CC2D2A: variants seen among roughly 807,000 people sequenced by gnomAD.
CC2D2A encodes the protein coiled-coil and C2 domain-containing protein 2A.
In CC2D2A, 155 loss-of-function variants were observed where a neutral mutation model predicts 212.9. That is an observed-to-expected ratio of 0.73 (90% confidence interval 0.64 to 0.83). The LOEUF is 0.83. CC2D2A is among the 40% of genes least tolerant of loss of function. The pLI is 0.00. For synonymous variants in CC2D2A, 667 were observed against 686.5 expected (o/e 0.97, Z 0.44); for missense variants, 1,856 against 1,956.2 (o/e 0.95, Z 0.97).
intron 11 of CC2D2A, among the ~76,000 whole-genome samples, chr4:15,524,731 G>A (rs1387144004): frequency 3.3e-5 from 5 of 151,832 alleles, no homozygotes; most frequent in African/African-American, 4.8e-5. Context: ...GATTACAGGC[G>A]TGAGCCACCG....
chr4:15,510,312 C>T (rs1716497986), intron 7 of CC2D2A, 72 bp downstream of exon 7: 4 of 1,349,864 alleles, frequency 3.0e-6, no homozygotes, highest in Admixed American at 1.9e-5. Context: ...CACATGACTA[C>T]AGGCCGGGTG....
intron 2 of CC2D2A, among the ~76,000 whole-genome samples, chr4:15,476,511 C>T (rs557443377): frequency 1.3e-5 from 2 of 152,340 alleles, no homozygotes; most frequent in African/African-American, 4.8e-5. Flanking sequence ...ATATCAGAGA[C>T]GTGGTGGAGA....
At chr4:15,583,837 G>A (rs191476905) in intron 30 of CC2D2A, among the ~76,000 whole-genome samples, 2,775 of 152,086 alleles carry the variant, frequency 0.018, 65 homozygotes, top group African/African-American at 0.064. Flanking sequence ...TGTAGTCCCA[G>A]CTACTCGGGA....
At position 15,478,802 on chromosome 4, in the gene CC2D2A, A is replaced by C. The variant is rs780010340; in HGVS notation, c.119A>C (p.Lys40Thr). The change falls in exon 3 of 37, where the codon AAA becomes ACA. Residue 40 changes from lysine (K) to threonine (T), a missense_variant. Coordinates refer to ENST00000424120, the MANE Select transcript of CC2D2A (RefSeq NM_001378615.1). Reference sequence around the variant, plus strand: ...AAGGTTCGAAGACAGCCAAGAAAGAAACAGGTAAGAAGTGACAAGAAACTG... The same window carrying C: ...AAGGTTCGAAGACAGCCAAGAAAGACACAGGTAAGAAGTGACAAGAAACTG... ...NSKVRRQPRK[K>T]QPPTAVPKEM... The C allele has an allele frequency of 2.6e-6, 4 of 1,552,358 alleles. No homozygotes were observed. In the East Asian group the frequency reaches 9.8e-5, roughly 38 times the overall value.
chr4:15,581,021 T>G (rs975790507), intron 30 of CC2D2A, among the ~76,000 whole-genome samples: 2 of 152,212 alleles, frequency 1.3e-5, no homozygotes, highest in African/African-American at 4.8e-5. Context: ...CACAAACTTG[T>G]GTGAATCAGA....
At chr4:15,535,066 C>T (rs922703231) in intron 14 of CC2D2A, among the ~76,000 whole-genome samples, 4 of 151,978 alleles carry the variant, frequency 2.6e-5, no homozygotes, top group Non-Finnish European at 5.9e-5. Flanking sequence ...AGAGCAGGGA[C>T]CCTATTGCCA....
intron 36 of CC2D2A, 54 bp from the exon 37 acceptor site, chr4:15,601,183 A>C: frequency 7.1e-7 from 1 of 1,412,860 alleles, no homozygotes; most frequent in Non-Finnish European, 9.9e-7. Flanking sequence ...CGTAGGAAAA[A>C]ATGTATTAAA....
chr4:15,552,568 C>T (rs1203677492), intron 18 of CC2D2A, among the ~76,000 whole-genome samples: 1 of 152,160 alleles, frequency 6.6e-6, no homozygotes, highest in African/African-American at 2.4e-5. Flanking sequence ...TCTTAGTATA[C>T]TAACATACTT....
intron 6 of CC2D2A, among the ~76,000 whole-genome samples, chr4:15,506,178 C>A (rs753191982): frequency 6.6e-6 from 1 of 152,116 alleles, no homozygotes; most frequent in Non-Finnish European, 1.5e-5. Flanking sequence ...TATTATAGTT[C>A]TTTAAAATTT....
At chr4:15,508,888 A>G (rs1716408295) in intron 6 of CC2D2A, among the ~76,000 whole-genome samples, 1 of 152,162 alleles carries the variant, frequency 6.6e-6, no homozygotes, top group African/African-American at 2.4e-5. Context: ...ATGAACACCT[A>G]TATGTGCTAC....
At chr4:15,578,969 T>C (rs971028412) in intron 29 of CC2D2A, among the ~76,000 whole-genome samples, 2 of 152,234 alleles carry the variant, frequency 1.3e-5, no homozygotes, top group Middle Eastern at 3.4e-3. Flanking sequence ...AAATAAAATT[T>C]TCAATTTGTT....
At chr4:15,536,514 C>T (rs1718136792) in intron 14 of CC2D2A, among the ~76,000 whole-genome samples, 2 of 152,008 alleles carry the variant, frequency 1.3e-5, no homozygotes, top group African/African-American at 4.8e-5. Context: ...TCAGTAGCAA[C>T]AAAATGAAGC....
chr4:15,583,111 G>C (rs534897820), intron 30 of CC2D2A, among the ~76,000 whole-genome samples: 1 of 152,186 alleles, frequency 6.6e-6, no homozygotes, highest in African/African-American at 2.4e-5. Flanking sequence ...TCAACAGATG[G>C]TGAAAAAGAA....
intron 17 of CC2D2A, among the ~76,000 whole-genome samples, chr4:15,545,716 AAGATGG>A (rs1718675366): frequency 1.8e-5 from 1 of 54,870 alleles, no homozygotes; most frequent in Non-Finnish European, 4.4e-5. Context: ...TAGAAATGGG[AAGATGG>A]GAAGAAGGAA....
In CC2D2A at chr4:15,489,775, T is replaced by C. The variant is rs987185919; in HGVS notation, c.247+8948T>C. On this transcript the variant is annotated intron_variant, in intron 4 of 36. Transcript: ENST00000424120. ...TAAATTCAATAGTCAGTTCTTAGTC[T>C]TTATCTTACTTGACTTTCACAGCAT... Among the ~76,000 whole-genome samples, 5 of 152,306 alleles carry C rather than the reference T, an allele frequency of 3.3e-5. No individual in the cohort carries two copies. The South Asian group carries it at 8.3e-4, about 25-fold the overall frequency.
intron 11 of CC2D2A, among the ~76,000 whole-genome samples, chr4:15,517,032 C>T (rs1716919447): frequency 1.3e-5 from 2 of 149,370 alleles, no homozygotes; most frequent in South Asian, 4.2e-4. Context: ...ACTGCAGGCT[C>T]CGCCTCCCGG....
chr4:15,493,015 C>T (rs1715397105), intron 4 of CC2D2A: 1 of 402,858 alleles, frequency 2.5e-6, no homozygotes, highest in Non-Finnish European at 4.8e-6. Context: ...GGTTGCATTT[C>T]CCCTTACTTC....
At position 15,537,981 on chromosome 4, in the gene CC2D2A, T is replaced by C. The variant is rs752004592; in HGVS notation, c.1847T>C (p.Leu616Pro). 10 of 1,610,418 alleles carry C rather than the reference T, an allele frequency of 6.2e-6. No homozygotes were observed. The highest frequency in any genetic ancestry group is 8.5e-6 in the Non-Finnish European group (10 of 1,178,462). ...GCAGAGCCGTATCCCGAGGAGGACC[T>C]TGTGAAGCCCAGCCCTCCAGAGCCC... ...EIAEPYPEED[L>P]VKPSPPEPTD... Residue 616 changes from leucine to proline, a missense_variant, in exon 16 of 37, where the codon CTT becomes CCT. Transcript: ENST00000424120.
At chr4:15,500,196 T>C (rs977404762) in intron 4 of CC2D2A, among the ~76,000 whole-genome samples, 16 of 151,230 alleles carry the variant, frequency 1.1e-4, no homozygotes, top group African/African-American at 3.6e-4. Context: ...TTATTTCTCC[T>C]ACTTGATCTG....
Sources: gnomAD v4.1 joint callset for allele counts (sites outside exome capture counted in the v4.1 genomes callset) on GRCh38, gnomAD v4.1.1 for gene constraint, MANE v1.5 for transcripts, NCBI Gene and HGNC (gene_info 2026-07-23, HGNC 2026-07-21) for gene names.